The following RHPN1 variants were observed in gnomAD, a reference collection of about 807,000 sequenced individuals.
RHPN1 encodes rhophilin Rho GTPase binding protein 1, also known as rhophilin-1.
Under a neutral mutation model 74.7 loss-of-function variants are expected in RHPN1, and 77 were observed. That is an observed-to-expected ratio of 1.03 (90% CI 0.86 to 1.25). The LOEUF (loss-of-function observed/expected upper bound fraction) is 1.25. RHPN1 is among the 50% of genes most tolerant of loss of function. RHPN1 has a pLI of 0.00. For missense variants in RHPN1, 987 were observed against 932.2 expected, an observed-to-expected ratio of 1.06 and a Z score of -0.77; for synonymous variants, 444 against 414.5, an observed-to-expected ratio of 1.07 and a Z score of -0.87.
chr8:143,368,866 C>G, upstream of RHPN1: 1 of 596,530 alleles, frequency 1.7e-6, no homozygotes. Context: ...AGTCGGGGAC[C>G]GGCGCGGGCA....
chr8:143,377,004 G>A (rs1479363989), intron 3 of RHPN1, among the ~76,000 whole-genome samples: 1 of 150,936 alleles, frequency 6.6e-6, no homozygotes, highest in Non-Finnish European at 1.5e-5. Flanking sequence ...GTATGTGGGT[G>A]TGTGTTTGCC....
At chr8:143,368,256 T>C (rs75572819), upstream of RHPN1, 1 of 153,832 alleles carries the variant, frequency 6.5e-6, no homozygotes, top group African/African-American at 2.4e-5. Flanking sequence ...GAGGCCGGTT[T>C]TGGAAGCAGG....
intron 8 of RHPN1, 40 bp from the exon 9 acceptor site, chr8:143,379,789 G>C: frequency 6.3e-7 from 1 of 1,575,826 alleles, no homozygotes. Context: ...ACCACCTGGA[G>C]AGTGGGAGGC....
intron 3 of RHPN1, 31 bp from the exon 4 acceptor site, chr8:143,377,349 T>TA: frequency 6.3e-7 from 1 of 1,596,718 alleles, no homozygotes; most frequent in South Asian, 1.1e-5. Context: ...GGTTTGGCCT[T>TA]ACAGTCTGAA....
rs151333827 is a variant in RHPN1 at position 143,380,878 on chromosome 8, G to A, written c.1411+95G>A. The A allele has an allele frequency of 2.3e-5, 23 of 1,013,662 alleles. No homozygotes were observed. The East Asian group carries it at 3.5e-4, about 15-fold the overall frequency. 62.8% of individuals were successfully genotyped at this position (1,013,662 alleles called of 1,614,324 possible). On this transcript the variant is annotated intron_variant, in intron 11 of 14. Coordinates refer to ENST00000289013, the MANE Select transcript of RHPN1 (RefSeq NM_052924.3). ...GGAGGCTGATTGCATTAAAGATGCA[G>A]TCACCACGATGAATTAAACAGCAGT...
Position 143,379,819 on chromosome 8 carries a change from C to T in RHPN1, c.946-10C>T, listed in dbSNP as rs1336553393. On this transcript the variant is annotated splice_polypyrimidine_tract_variant and intron_variant, in intron 8 of 14. Transcript: ENST00000289013. ...GGAGGCCCTCGCGTGCCTGCCACATCCACCGGCAGGTGGCAGCCGAGTACA... is the reference window on the plus strand; with the variant it reads ...GGAGGCCCTCGCGTGCCTGCCACATTCACCGGCAGGTGGCAGCCGAGTACA... The T allele has an allele frequency of 1.9e-6, 3 of 1,605,102 alleles. No individual in the cohort carries two copies. The highest frequency in any genetic ancestry group is 2.6e-6 in the Non-Finnish European group (3 of 1,175,908).
chr8:143,382,472 C>T lies in RHPN1; in HGVS notation c.1834C>T (p.Leu612Phe). Residue 612 changes from leucine (L) to phenylalanine (F), a missense_variant, in exon 15 of 15, where the codon CTT becomes TTT. Transcript: ENST00000289013. ...RRPVLLGPRG[L>F]LRSQREHGCK... ...GCCCGTCCTGCTGGGCCCCAGGGGG[C>T]TTCTAAGGAGCCAGAGGGAGCATGG... 6.3e-7 allele frequency: 1 copy of T among 1,592,976 alleles called. No homozygotes were observed. Among genetic ancestry groups the T allele is most frequent in the South Asian group, 1.1e-5 (1 of 88,278 alleles).
At position 143,378,943 on chromosome 8, in the gene RHPN1, C is replaced by A; in HGVS notation, c.616C>A (p.Gln206Lys). Residue 206 changes from glutamine (Q) to lysine (K), a missense_variant, in exon 7 of 15, where the codon CAG (glutamine) becomes AAG (lysine). Transcript: ENST00000289013. ...YDSLTGVPAQ[Q>K]RALAFEKGSV... ...CTCGCTTACTGGGGTCCCGGCCCAGCAGCGTGCCCTGGCCTTCGAGAAGGG... is the reference window on the plus strand; with the variant it reads ...CTCGCTTACTGGGGTCCCGGCCCAGAAGCGTGCCCTGGCCTTCGAGAAGGG... 5 of 1,580,440 alleles carry A rather than the reference C, an allele frequency of 3.2e-6. No individual in the cohort carries two copies. The African/African-American group carries it at 6.8e-5, about 21-fold the overall frequency.
chr8:143,379,135 C>A, intron 7 of RHPN1, 57 bp downstream of exon 7: 1 of 1,442,154 alleles, frequency 6.9e-7, no homozygotes, highest in Non-Finnish European at 9.1e-7. Flanking sequence ...GTTGCAGAGC[C>A]CCTTTTGCAG....
rs779834813 is a variant in RHPN1, at chr8:143,381,808, C to T, written c.1637C>T (p.Ala546Val). The T allele has an allele frequency of 1.4e-5, 22 of 1,611,956 alleles. No homozygotes were observed. In the East Asian group the frequency reaches 2.0e-4, roughly 15 times the overall value. Residue 546 changes from alanine to valine, a missense_variant and splice_region_variant, in exon 14 of 15, where the codon GCG (alanine) becomes GTG (valine). Physicochemically the swap from Ala to Val is moderately conservative, Grantham distance 64. Transcript: ENST00000289013. ...CTCACCGTCCAAGTCTCCCCACAGG[C>T]GGCTGGCCTGAAGGAGGGCGACTAC... The part of the protein sequence containing the change: ...AAVIPGSQAA[A>V]AGLKEGDYIV...
At chr8:143,380,018 C>T (rs774236989) in intron 9 of RHPN1, 33 bp downstream of exon 9, 1 of 1,550,190 alleles carries the variant, frequency 6.5e-7, no homozygotes, top group Non-Finnish European at 8.7e-7. Flanking sequence ...CATGGTACTG[C>T]CAAGGCCCCC....
intron 11 of RHPN1, 47 bp downstream of exon 11, chr8:143,380,830 G>A (rs1320452638): frequency 7.0e-7 from 1 of 1,429,200 alleles, no homozygotes. Context: ...TGGCCAGGGT[G>A]GGGGCCTTCG....
chr8:143,376,931 T>C (rs569080124), intron 3 of RHPN1, among the ~76,000 whole-genome samples: 1 of 146,758 alleles, frequency 6.8e-6, no homozygotes, highest in East Asian at 2.0e-4. Context: ...TGCATGTGTC[T>C]GTGTGTGCAT....
Position 143,379,459 on chromosome 8 carries a change from C to A in RHPN1, c.896C>A (p.Ala299Asp). ...GGCCTCTCACCACCTGCCTCCATGG[C>A]CCCCCAAGACTGCCTGGCCCAGCTG... is the stretch of plus-strand genomic sequence containing the variant. Reference protein sequence around the residue: ...FEGLSPPASMAPQDCLAQLRL... With the variant: ...FEGLSPPASMDPQDCLAQLRL... Residue 299 changes from alanine (A) to aspartate (D), a missense_variant, in exon 8 of 15, where the codon GCC becomes GAC. Ala to Asp is a moderately radical substitution (Grantham distance 126). Coordinates refer to ENST00000289013, the MANE Select transcript of RHPN1 (RefSeq NM_052924.3). 17 of 1,570,840 alleles carry A rather than the reference C, an allele frequency of 1.1e-5. No individual in the cohort carries two copies. The highest frequency in any genetic ancestry group is 1.5e-5 in the Non-Finnish European group (17 of 1,158,562).
In RHPN1 at chr8:143,380,735, G is replaced by A. The variant is rs755660082; in HGVS notation, c.1363G>A (p.Asp455Asn). The change falls in exon 11 of 15, where the codon GAC becomes AAC. Residue 455 changes from aspartate to asparagine, a missense_variant. By Grantham distance (23) the Asp-to-Asn change is conservative. Transcript: ENST00000289013. ...QRSLAKYAEL[D>N]REDDFCEAAE... ...CTCACTGGCCAAGTATGCGGAGCTC[G>A]ACCGTGAGGATGACTTCTGTGAGGC... 1.1e-5 allele frequency: 18 copies of A among 1,594,418 alleles called. No individual in the cohort carries two copies. The highest frequency in any genetic ancestry group is 4.5e-5 in the East Asian group (2 of 44,028).
chr8:143,368,391 T>C (rs1817609637), upstream of RHPN1: 1 of 152,838 alleles, frequency 6.5e-6, no homozygotes, highest in South Asian at 2.1e-4. Context: ...AAACCGTTTT[T>C]AAAAACCCCA....
In RHPN1 at chr8:143,378,912, G is replaced by A; in HGVS notation, c.585G>A (p.Trp195Ter). 2 of 1,584,844 alleles carry A rather than the reference G, an allele frequency of 1.3e-6. No homozygotes were observed. The highest frequency in any genetic ancestry group is 1.7e-6 in the Non-Finnish European group (2 of 1,166,330). Residue 195 changes from tryptophan (W) to a stop codon, truncating the protein, a stop_gained and splice_region_variant, in exon 7 of 15, where the codon TGG becomes TGA. Transcript: ENST00000289013. LOFTEE classifies it high-confidence loss of function. ...CACCCAGCCTGACCCAACACTGCAG[G>A]TACGACTCGCTTACTGGGGTCCCGG... is the stretch of plus-strand genomic sequence containing the variant. ...PARSLGLFFH[W>*]YDSLTGVPAQ...
chr8:143,380,811 C>T, intron 11 of RHPN1, 28 bp downstream of exon 11: 1 of 1,499,174 alleles, frequency 6.7e-7, no homozygotes, highest in Non-Finnish European at 9.0e-7. Context: ...GTCTGGGTGG[C>T]TGCATCCCTG....
chr8:143,381,152 C>A, intron 11 of RHPN1, 116 bp from the exon 12 acceptor site: 2 of 857,946 alleles, frequency 2.3e-6, no homozygotes, highest in Non-Finnish European at 3.6e-6. Context: ...AGTGGCCAGG[C>A]CTGGAGGTCA....
Sources: gnomAD v4.1 joint callset for allele counts (sites outside exome capture counted in the v4.1 genomes callset) on GRCh38, gnomAD v4.1.1 for gene constraint, MANE v1.5 for transcripts, NCBI Gene and HGNC (gene_info 2026-07-23, HGNC 2026-07-21) for gene names.